The following CHM variants were observed in gnomAD, a reference collection of about 807,000 sequenced individuals.
CHM encodes CHM Rab escort protein, also known as rab proteins geranylgeranyltransferase component A 1.
A neutral mutation model predicts 49.0 loss-of-function variants in CHM; 10 were observed. The ratio of observed to expected loss-of-function variants is 0.20; its 90% CI spans 0.13 to 0.35. The LOEUF is 0.35. Ranked by LOEUF, CHM falls within the 10% of genes least tolerant of loss-of-function variation. The pLI is 1.00. For synonymous variants in CHM, 184 were observed against 167.5 expected, an observed-to-expected ratio of 1.10 and a Z score of -0.76; for missense variants, 455 against 478.4, an observed-to-expected ratio of 0.95 and a Z score of 0.46.
chrX:85,948,387 G>A (rs1438227536), intron 8 of CHM, among the ~76,000 whole-genome samples: 1 of 111,477 alleles, frequency 9.0e-6, no homozygotes, highest in Admixed American at 9.6e-5. Flanking sequence ...AAAATATATA[G>A]GTTTTAATGA....
intron 4 of CHM, chrX:85,971,676 G>A (rs945827357): frequency 1.1e-5 from 2 of 190,461 alleles, no homozygotes; most frequent in African/African-American, 3.1e-5. Flanking sequence ...GGTTGCCACT[G>A]CTGGCTGGGC....
chrX:85,972,828 GCTC>G (rs1482561798), intron 4 of CHM, among the ~76,000 whole-genome samples: 4 of 112,336 alleles, frequency 3.6e-5, no homozygotes, highest in African/African-American at 6.5e-5. Flanking sequence ...GGGCCGAAGG[GCTC>G]CTCAAGTGCC....
intron 8 of CHM, among the ~76,000 whole-genome samples, chrX:85,916,385 T>C (rs745451632): frequency 8.9e-5 from 10 of 112,082 alleles, no homozygotes; most frequent in African/African-American, 2.9e-4. Context: ...ATTCTGGACA[T>C]AGGCATGGGC....
intron 2 of CHM, among the ~76,000 whole-genome samples, chrX:86,025,640 G>T (rs1933772913): frequency 9.9e-6 from 1 of 101,411 alleles, no homozygotes; most frequent in South Asian, 4.8e-4. Context: ...CCATGCCACT[G>T]TACTATAGTC....
chrX:85,951,847 CA>C (rs1299363707), intron 8 of CHM, among the ~76,000 whole-genome samples: 2 of 112,587 alleles, frequency 1.8e-5, no homozygotes, highest in African/African-American at 6.5e-5. Flanking sequence ...TGGTCAATGC[CA>C]ACCCTCCCCA....
At chrX:85,874,318 G>GT (rs1368914910) in intron 13 of CHM, among the ~76,000 whole-genome samples, 3 of 111,435 alleles carry the variant, frequency 2.7e-5, no homozygotes, top group Non-Finnish European at 5.7e-5. Flanking sequence ...TGACTAGAGA[G>GT]TTTTCTTTAG....
At chrX:86,029,489 A>C (rs1241931009) in intron 1 of CHM, among the ~76,000 whole-genome samples, 1 of 111,869 alleles carries the variant, frequency 8.9e-6, no homozygotes, top group African/African-American at 3.2e-5. Context: ...ACCAAATATT[A>C]GTATAGGGTT....
chrX:85,894,316 C>T (rs1332106891), intron 11 of CHM, 32 bp from the exon 12 acceptor site: 6 of 1,007,344 alleles, frequency 6.0e-6, no homozygotes, highest in East Asian at 3.0e-5. Context: ...TCAGACACAG[C>T]TGTTAGATCT....
intron 2 of CHM, among the ~76,000 whole-genome samples, chrX:86,009,788 A>G (rs1174734152): frequency 1.8e-5 from 2 of 111,423 alleles, no homozygotes; most frequent in Non-Finnish European, 3.8e-5. Flanking sequence ...CTATAGCAAG[A>G]GCAAGAAAAA....
intron 12 of CHM, among the ~76,000 whole-genome samples, chrX:85,883,507 C>T (rs746947601): frequency 1.8e-5 from 2 of 110,927 alleles, no homozygotes; most frequent in South Asian, 3.8e-4. Context: ...AGTCTATAGT[C>T]GGCTTATACT....
chrX:85,943,324 A>T (rs1003154572), intron 8 of CHM, among the ~76,000 whole-genome samples: 1 of 111,822 alleles, frequency 8.9e-6, no homozygotes, highest in Non-Finnish European at 1.9e-5. Context: ...ATGCAGCCAA[A>T]AGACACATGA....
chrX:85,949,181 GT>G (rs1167397035), intron 8 of CHM, among the ~76,000 whole-genome samples: 1 of 112,007 alleles, frequency 8.9e-6, no homozygotes, highest in Non-Finnish European at 1.9e-5. Flanking sequence ...GGAGAAAAAT[GT>G]TTTCTTTGTC....
rs187350773 is a variant in CHM at position 86,035,741 on chromosome X, G to C, written c.50-8184C>G. Among the ~76,000 whole-genome samples, 356 of 109,523 alleles carry C rather than the reference G, an allele frequency of 3.3e-3. 5 individuals are homozygous for C. Among genetic ancestry groups the C allele is most frequent in the African/African-American group, 0.011 (344 of 30,105 alleles). ...TGCTTCAAAATAACAGGGTTGGATGGTGAAATGAGAGAAACAGTGGAAGAT... is the reference window on the plus strand; with the variant it reads ...TGCTTCAAAATAACAGGGTTGGATGCTGAAATGAGAGAAACAGTGGAAGAT... On this transcript the variant is annotated intron_variant, in intron 1 of 14. Coordinates refer to ENST00000357749, the MANE Select transcript of CHM (RefSeq NM_000390.4).
At chrX:85,874,241 T>C (rs73504274) in intron 13 of CHM, among the ~76,000 whole-genome samples, 8,909 of 111,673 alleles carry the variant, frequency 0.08, 780 homozygotes, top group African/African-American at 0.26. Flanking sequence ...TTTGCCTCTC[T>C]TCTTTAAAAC....
At chrX:86,017,836 A>G (rs779811655) in intron 2 of CHM, among the ~76,000 whole-genome samples, 1 of 112,439 alleles carries the variant, frequency 8.9e-6, no homozygotes, top group African/African-American at 3.2e-5. Context: ...GCCCCTATCT[A>G]TACTCAGAAC....
chrX:85,862,378 T>C lies in CHM; in HGVS notation c.*2252A>G, dbSNP rs181475836. ...CTTTATTGGCACAATTTACTGCAAT[T>C]GTATTCAGACTCAATCGTCTCATCT... is the stretch of plus-strand genomic sequence containing the variant. On this transcript the variant is annotated 3_prime_UTR_variant, in exon 15 of 15. Transcript: ENST00000357749. The C allele has an allele frequency of 8.9e-6, 1 of 112,739 alleles. No homozygotes were observed. Among genetic ancestry groups the C allele is most frequent in the African/African-American group, 3.2e-5 (1 of 31,009 alleles). The allele number at this position is 112,739 out of a possible 1,213,427, so 9.3% of individuals were successfully genotyped here.
At chrX:85,957,661 ATTTAT>A (rs758338810) in intron 7 of CHM, among the ~76,000 whole-genome samples, 189 bp downstream of exon 7, 8 of 111,115 alleles carry the variant, frequency 7.2e-5, no homozygotes, top group Admixed American at 9.6e-5. Flanking sequence ...GAGAAACTGA[ATTTAT>A]TTTATTTTAT....
At chrX:86,034,758 C>T (rs754416961) in intron 1 of CHM, among the ~76,000 whole-genome samples, 14 of 110,151 alleles carry the variant, frequency 1.3e-4, no homozygotes, top group Non-Finnish European at 2.3e-4. Context: ...CCAGCCTGGG[C>T]GACAAAAGCA....
chrX:85,952,850 G>A (rs1347070004), intron 8 of CHM, among the ~76,000 whole-genome samples: 8 of 112,815 alleles, frequency 7.1e-5, no homozygotes, highest in African/African-American at 2.6e-4. Flanking sequence ...TGAAGGGTAA[G>A]GCCCAGGCCT....
Sources: allele counts gnomAD v4.1 joint callset (sites outside exome capture counted in the v4.1 genomes callset), GRCh38; gene constraint gnomAD v4.1.1; transcripts MANE v1.5; gene names NCBI Gene and HGNC (gene_info 2026-07-23, HGNC 2026-07-21).